The following DCLK2 variants were observed in gnomAD, a reference collection of about 807,000 sequenced individuals.
DCLK2 encodes the protein doublecortin like kinase 2.
A neutral mutation model predicts 78.4 loss-of-function variants in DCLK2; 31 were observed. That is an observed-to-expected ratio of 0.40 (90% CI 0.30 to 0.53). The LOEUF (loss-of-function observed/expected upper bound fraction) is 0.53. Ranked by LOEUF, DCLK2 falls within the 20% of genes least tolerant of loss-of-function variation. The pLI is 0.61. For missense variants in DCLK2, 872 were observed against 973.7 expected (o/e 0.90, Z 1.39); for synonymous variants, 407 against 374.9 (o/e 1.09, Z -0.99).
chr4:150,124,832 C>T (rs1732808467), intron 2 of DCLK2, among the ~76,000 whole-genome samples: 2 of 152,174 alleles, frequency 1.3e-5, no homozygotes, highest in Non-Finnish European at 2.9e-5. Flanking sequence ...AGAGCATTCC[C>T]ACCTAGGCAG....
At chr4:150,092,903 C>T (rs1730193041) in intron 1 of DCLK2, among the ~76,000 whole-genome samples, 1 of 152,126 alleles carries the variant, frequency 6.6e-6, no homozygotes, top group Admixed American at 6.5e-5. Flanking sequence ...CCCACTCTTG[C>T]CACTTCATTC....
At chr4:150,123,336 A>G (rs1732698340) in intron 2 of DCLK2, among the ~76,000 whole-genome samples, 3 of 152,084 alleles carry the variant, frequency 2.0e-5, no homozygotes, top group African/African-American at 4.8e-5. Context: ...TATTGTTGTA[A>G]CATCTCAGGA....
At chr4:150,160,675 A>G (rs1322239028) in intron 2 of DCLK2, among the ~76,000 whole-genome samples, 3 of 152,210 alleles carry the variant, frequency 2.0e-5, no homozygotes, top group Non-Finnish European at 4.4e-5. Context: ...TAAGACTCCA[A>G]AGTTGAGAAA....
chr4:150,106,096 A>G (rs1284640576), intron 2 of DCLK2, among the ~76,000 whole-genome samples: 2 of 152,146 alleles, frequency 1.3e-5, no homozygotes, highest in African/African-American at 4.8e-5. Flanking sequence ...TTCAAGTAAA[A>G]TATTTCTTTG....
At chr4:150,089,804 A>G (rs1729917986) in intron 1 of DCLK2, among the ~76,000 whole-genome samples, 1 of 152,268 alleles carries the variant, frequency 6.6e-6, no homozygotes, top group African/African-American at 2.4e-5. Flanking sequence ...TACTCTGCTC[A>G]AACTAAATTG....
chr4:150,175,574 C>A (rs1338374616), intron 2 of DCLK2: 1 of 152,012 alleles, frequency 6.6e-6, no homozygotes, highest in Non-Finnish European at 1.5e-5. Context: ...GATGAAGGAG[C>A]CCCTCTTTGG....
chr4:150,242,208 C>T (rs373733482), intron 12 of DCLK2, among the ~76,000 whole-genome samples: 1 of 152,172 alleles, frequency 6.6e-6, no homozygotes, highest in Non-Finnish European at 1.5e-5. Context: ...GATAAAGACA[C>T]ACCTCACAAG....
intron 4 of DCLK2, among the ~76,000 whole-genome samples, chr4:150,203,288 T>C (rs1739583995): frequency 6.6e-6 from 1 of 152,180 alleles, no homozygotes; most frequent in Admixed American, 6.5e-5. Flanking sequence ...TACCAGCAAA[T>C]TTTCCCTTTT....
At chr4:150,250,474 C>G (rs1043698295) in intron 15 of DCLK2, among the ~76,000 whole-genome samples, 3 of 152,052 alleles carry the variant, frequency 2.0e-5, no homozygotes, top group Non-Finnish European at 4.4e-5. Flanking sequence ...TAGAAGCCAG[C>G]CAGCCACCCA....
At chr4:150,239,909 A>G (rs1356352081) in intron 11 of DCLK2, 34 bp downstream of exon 11, 4 of 1,393,438 alleles carry the variant, frequency 2.9e-6, no homozygotes, top group Non-Finnish European at 3.7e-6. Flanking sequence ...TAGTACTTTA[A>G]CTTTGATGAG....
intron 2 of DCLK2, among the ~76,000 whole-genome samples, chr4:150,158,063 C>G (rs539718800): frequency 3.9e-5 from 6 of 152,348 alleles, no homozygotes; most frequent in East Asian, 3.9e-4. Context: ...TAAAATACTA[C>G]ATACTGGGTG....
intron 1 of DCLK2, 37 bp downstream of exon 1, chr4:150,079,485 A>G (rs1330922507): frequency 6.9e-7 from 1 of 1,441,416 alleles, no homozygotes; most frequent in East Asian, 2.6e-5. Context: ...GGTGCGGCGG[A>G]GCGCCGGCAG....
At chr4:150,128,299 T>C (rs1249738353) in intron 2 of DCLK2, among the ~76,000 whole-genome samples, 4 of 152,018 alleles carry the variant, frequency 2.6e-5, no homozygotes, top group South Asian at 2.1e-4. Flanking sequence ...AGGAAAGATA[T>C]GGGAGTATTA....
At chr4:150,246,343 A>T (rs2126619464) in intron 12 of DCLK2, among the ~76,000 whole-genome samples, 1 of 152,276 alleles carries the variant, frequency 6.6e-6, no homozygotes, top group African/African-American at 2.4e-5. Flanking sequence ...CATCACACCC[A>T]GCCAACTCTG....
chr4:150,190,169 C>T (rs994560344), intron 2 of DCLK2, among the ~76,000 whole-genome samples: 1 of 151,394 alleles, frequency 6.6e-6, no homozygotes, highest in Non-Finnish European at 1.5e-5. Context: ...TGCTACTGCA[C>T]CCTAGCCTGG....
At chr4:150,124,130 T>C (rs985579623) in intron 2 of DCLK2, among the ~76,000 whole-genome samples, 2 of 152,086 alleles carry the variant, frequency 1.3e-5, no homozygotes, top group African/African-American at 4.8e-5. Context: ...TTTTAGGACA[T>C]TTAATTGTAG....
intron 10 of DCLK2, among the ~76,000 whole-genome samples, chr4:150,238,092 A>G (rs555364672): frequency 1.2e-4 from 18 of 152,330 alleles, no homozygotes; most frequent in African/African-American, 4.3e-4. Flanking sequence ...TATGAAACCA[A>G]CACATGTTCA....
At chr4:150,151,632 G>C (rs767170028) in intron 2 of DCLK2, among the ~76,000 whole-genome samples, 10 of 152,110 alleles carry the variant, frequency 6.6e-5, no homozygotes, top group Non-Finnish European at 1.2e-4. Context: ...TTAGAATTTT[G>C]TGTGGCTCTG....
intron 14 of DCLK2, 140 bp downstream of exon 14, chr4:150,248,525 A>G: frequency 1.4e-6 from 1 of 711,820 alleles, no homozygotes; most frequent in Non-Finnish European, 2.4e-6. Flanking sequence ...TTGAGCAAGT[A>G]GCATAAAGAT....
Sources: gnomAD v4.1 joint callset for allele counts (sites outside exome capture counted in the v4.1 genomes callset) on GRCh38, gnomAD v4.1.1 for gene constraint, MANE v1.5 for transcripts, NCBI Gene and HGNC (gene_info 2026-07-23, HGNC 2026-07-21) for gene names.